The following NLK variants were observed in gnomAD, a reference collection of about 807,000 sequenced individuals.
NLK encodes nemo like kinase, also known as serine/threonine-protein kinase NLK.
NLK carries 11 observed loss-of-function variants against 59.0 expected under a neutral mutation model. The ratio of observed to expected loss-of-function variants is 0.19; its 90% CI spans 0.12 to 0.31. NLK has a LOEUF of 0.31. Among genes scored for constraint, NLK ranks in the 10% least tolerant of loss-of-function variants. The pLI, the probability that NLK is intolerant of heterozygous loss-of-function variation, is 1.00. For missense variants in NLK, 410 were observed against 661.1 expected, an observed-to-expected ratio of 0.62 and a Z score of 4.16; for synonymous variants, 235 against 235.9, an observed-to-expected ratio of 1.00 and a Z score of 0.03.
chr17:28,094,574 A>G (rs1234224574), intron 1 of NLK, among the ~76,000 whole-genome samples: 1 of 152,190 alleles, frequency 6.6e-6, no homozygotes, highest in East Asian at 1.9e-4. Flanking sequence ...TAAGTATCTG[A>G]AAAGGATTAT....
At chr17:28,043,784 T>C (rs1345657148) in intron 1 of NLK, among the ~76,000 whole-genome samples, 1 of 152,264 alleles carries the variant, frequency 6.6e-6, no homozygotes, top group African/African-American at 2.4e-5. Flanking sequence ...GTCCTTTCTG[T>C]CTTTTCACTT....
Position 28,194,702 on chromosome 17 carries a change from T to A in NLK, c.*66T>A. On this transcript the variant is annotated 3_prime_UTR_variant, in exon 11 of 11. Transcript: ENST00000407008. ...TCCACTGGAGTCTGGGATTTGCAAT[T>A]CTGGAGGTTAATCATGCTTGTACTG... is the stretch of plus-strand genomic sequence containing the variant. 8.5e-7 allele frequency: 1 copy of A among 1,171,372 alleles called. No homozygotes were observed. The highest frequency in any genetic ancestry group is 1.5e-5 in the South Asian group (1 of 65,774). The allele number at this position is 1,171,372 out of a possible 1,614,324, so 72.6% of individuals were successfully genotyped here.
At chr17:28,127,786 A>G (rs1406002538) in intron 2 of NLK, among the ~76,000 whole-genome samples, 3 of 152,200 alleles carry the variant, frequency 2.0e-5, no homozygotes, top group Non-Finnish European at 1.5e-5. Context: ...TAGCCCAGAC[A>G]ATCTTAAAGA....
intron 5 of NLK, among the ~76,000 whole-genome samples, chr17:28,168,013 A>C (rs1908309563): frequency 6.6e-6 from 1 of 151,916 alleles, no homozygotes; most frequent in Non-Finnish European, 1.5e-5. Context: ...TAAATATACT[A>C]TACCTATATC....
chr17:28,116,520 T>G (rs866693135), intron 1 of NLK: 2 of 152,374 alleles, frequency 1.3e-5, no homozygotes, highest in Middle Eastern at 3.4e-3. Context: ...CATTTTGTAT[T>G]AAGTAATTAT....
At chr17:28,193,332 C>A (rs1025937038) in intron 10 of NLK, among the ~76,000 whole-genome samples, 15 of 152,186 alleles carry the variant, frequency 9.9e-5, no homozygotes, top group African/African-American at 3.6e-4. Flanking sequence ...GAACACACAG[C>A]ACGAGGGTGG....
intron 1 of NLK, among the ~76,000 whole-genome samples, chr17:28,099,952 T>C (rs535955787): frequency 1.1e-4 from 16 of 152,238 alleles, no homozygotes; most frequent in Non-Finnish European, 2.2e-4. Flanking sequence ...TTTTATATTA[T>C]TGAGTTGTGT....
At chr17:28,197,391 C>CG, downstream of NLK, among the ~76,000 whole-genome samples, 1 of 151,852 alleles carries the variant, frequency 6.6e-6, no homozygotes, top group East Asian at 1.9e-4. Flanking sequence ...ATCGTTTGAA[C>CG]CCAGGAGGTG....
chr17:28,141,329 T>C (rs1032513299), intron 3 of NLK, among the ~76,000 whole-genome samples: 6 of 152,226 alleles, frequency 3.9e-5, no homozygotes, highest in Admixed American at 3.3e-4. Context: ...CTGTTTCTTT[T>C]AGTAACTTTG....
At chr17:28,132,733 C>T in intron 3 of NLK, 58 bp downstream of exon 3, 1 of 1,414,970 alleles carries the variant, frequency 7.1e-7, no homozygotes. Context: ...ATTTGTTCTT[C>T]TAGCACCTTT....
At chr17:28,172,103 A>G (rs1369920101) in intron 6 of NLK, among the ~76,000 whole-genome samples, 1 of 151,240 alleles carries the variant, frequency 6.6e-6, no homozygotes, top group Non-Finnish European at 1.5e-5. Flanking sequence ...TAAATAATAA[A>G]TAGGAATAAT....
At chr17:28,116,671 C>G (rs1380186822) in intron 1 of NLK, among the ~76,000 whole-genome samples, 2 of 152,242 alleles carry the variant, frequency 1.3e-5, no homozygotes, top group East Asian at 3.9e-4. Flanking sequence ...ACAAACCTAC[C>G]ATGTGAATAA....
At chr17:28,179,749 C>CT (rs1403654944) in intron 7 of NLK, among the ~76,000 whole-genome samples, 2 of 151,460 alleles carry the variant, frequency 1.3e-5, no homozygotes, top group Admixed American at 1.3e-4. Context: ...CAGGATCTCT[C>CT]TAAGTTGCCT....
At position 28,058,384 on chromosome 17, in the gene NLK, AT is replaced by A. The variant is rs1909512959; in HGVS notation, c.458+15057del. 2.0e-5 allele frequency among the ~76,000 whole-genome samples: 3 copies of A among 152,210 alleles called. No individual in the cohort carries two copies. The South Asian group carries it at 6.2e-4, about 32-fold the overall frequency. ...TTAAATAACTAGTTTTTGTACCCTG[AT>A]TTTCTTTTCCTCTTAAAGTAGATAC... is the stretch of plus-strand genomic sequence containing the variant. On this transcript the variant is annotated intron_variant, in intron 1 of 10. Coordinates refer to ENST00000407008, the MANE Select transcript of NLK (RefSeq NM_016231.5).
At chr17:28,199,674 AAAAAAAAAAACAAAACAAAAC>A (rs1279307066), downstream of NLK, among the ~76,000 whole-genome samples, 208 of 65,396 alleles carry the variant, frequency 3.2e-3, 1 homozygote, top group African/African-American at 0.014. Flanking sequence ...TCAAAAAAAA[AAAAAAAAAAACAAAACAAAAC>A]AAAAAAAAAA....
the NLK span, among the ~76,000 whole-genome samples, chr17:28,201,873 G>A: frequency 2.4e-4 from 37 of 152,108 alleles, no homozygotes; most frequent in Non-Finnish European, 2.9e-4. Flanking sequence ...AAAGTTAGCC[G>A]GCCGTGGTGG....
intron 1 of NLK, among the ~76,000 whole-genome samples, chr17:28,092,564 A>C (rs1038705803): frequency 2.0e-5 from 3 of 151,990 alleles, no homozygotes; most frequent in African/African-American, 7.2e-5. Context: ...TCCTGTCTTA[A>C]AGCTGTTCCA....
At chr17:28,160,256 T>G (rs2142046880) in intron 3 of NLK, among the ~76,000 whole-genome samples, 1 of 151,960 alleles carries the variant, frequency 6.6e-6, no homozygotes, top group Admixed American at 6.6e-5. Context: ...GAGGAGGGAG[T>G]TTGAAAACAA....
rs1025597218 is a variant in NLK at position 28,042,773 on chromosome 17, C to T, written c.-101C>T. On this transcript the variant is annotated 5_prime_UTR_variant, in exon 1 of 11. Transcript: ENST00000407008. ...GATTGACTGATGAAGACATAAAGCT[C>T]TATGTTTTTTGAGGTGGAGTGAGTG... The T allele has an allele frequency of 3.8e-6, 4 of 1,061,538 alleles. No individual in the cohort carries two copies. The African/African-American group carries it at 6.4e-5, about 17-fold the overall frequency. The allele number at this position is 1,061,538 out of a possible 1,614,324, so 65.8% of individuals were successfully genotyped here. A position where few individuals can be genotyped will look rare whatever the true frequency, so the allele number is the denominator to read the frequency against.
Sources: gnomAD v4.1 joint callset for allele counts (sites outside exome capture counted in the v4.1 genomes callset) on GRCh38, gnomAD v4.1.1 for gene constraint, MANE v1.5 for transcripts, NCBI Gene and HGNC (gene_info 2026-07-23, HGNC 2026-07-21) for gene names.